Variants in ATXN7L2 observed in about 807,000 individuals in gnomAD.
ATXN7L2 encodes ataxin 7 like 2, also known as ataxin-7-like protein 2.
A neutral mutation model predicts 59.6 loss-of-function variants in ATXN7L2; 17 were observed. The ratio of observed to expected loss-of-function variants is 0.29; its 90% CI spans 0.20 to 0.43. ATXN7L2 has a LOEUF of 0.43. Ranked by LOEUF, ATXN7L2 falls within the 20% of genes least tolerant of loss-of-function variation. The pLI, the probability that ATXN7L2 is intolerant of heterozygous loss-of-function variation, is 1.00. For missense variants in ATXN7L2, 858 were observed against 1,008.9 expected, an observed-to-expected ratio of 0.85 and a Z score of 2.03; for synonymous variants, 378 against 392.5, an observed-to-expected ratio of 0.96 and a Z score of 0.44.
Position 109,491,915 on chromosome 1 carries a change from C to G in ATXN7L2, c.2250+198C>G. ...CAGCTTTTTGCCTGGTGAACCTTCC[C>G]CTATCCCTAACCCTTTCCCTTGGGC... On this transcript the variant is annotated intron_variant, in intron 10 of 10. Coordinates refer to ENST00000683729, the MANE Select transcript of ATXN7L2 (RefSeq NM_001350175.2). This position sits in a 1 kb window ranked among gnomAD's most constrained non-coding sequence, Gnocchi z 4.1. The G allele has an allele frequency of 1.6e-6, 2 of 1,217,500 alleles. No homozygotes were observed. Among genetic ancestry groups the G allele is most frequent in the Non-Finnish European group, 2.2e-6 (2 of 910,066 alleles). 75.4% of individuals were successfully genotyped at this position (1,217,500 alleles called of 1,614,324 possible). A position where few individuals can be genotyped will look rare whatever the true frequency, so the allele number is the denominator to read the frequency against.
intron 1 of ATXN7L2, chr1:109,485,217 T>A (rs1656489395): frequency 4.2e-6 from 4 of 952,428 alleles, no homozygotes; most frequent in Admixed American, 6.3e-5. Context: ...AGAATTGATT[T>A]TTTTTTTCCC....
intron 1 of ATXN7L2, among the ~76,000 whole-genome samples, 171 bp downstream of exon 1, chr1:109,484,251 C>T (rs1465429125): frequency 1.3e-5 from 2 of 152,066 alleles, no homozygotes; most frequent in Non-Finnish European, 2.9e-5. Context: ...CACCTTCGCG[C>T]CTCCGGGTCC....
rs1378177805 is a variant in ATXN7L2 at position 109,490,041 on chromosome 1, C to T, written c.1245C>T (p.Ser415=). Residue 415 remains serine (S), a synonymous_variant, in exon 8 of 11, where the codon AGC becomes AGT. Transcript: ENST00000683729. ...PMPRGGTQAS[S]EESEEEGTSD... is the part of the protein sequence containing the mutation. ...CCCGGGGTGGGACCCAGGCCTCCAG[C>T]GAAGAGAGTGAGGAGGAGGGGACAT... is the stretch of plus-strand genomic sequence containing the variant. 1.5e-5 allele frequency: 24 copies of T among 1,611,414 alleles called. No individual in the cohort carries two copies. The highest frequency in any genetic ancestry group is 8.0e-5 in the African/African-American group (6 of 74,772).
intron 10 of ATXN7L2, among the ~76,000 whole-genome samples, chr1:109,492,318 C>T (rs1419676133): frequency 6.6e-6 from 1 of 152,158 alleles, no homozygotes; most frequent in Non-Finnish European, 1.5e-5. Context: ...TCCATATGAT[C>T]TCTGCCAGGA....
chr1:109,490,223 CTG>C (rs1226754388), intron 8 of ATXN7L2, 46 bp from the exon 9 acceptor site: 4 of 1,603,810 alleles, frequency 2.5e-6, no homozygotes, highest in Non-Finnish European at 2.6e-6. Flanking sequence ...CAGATGCTGT[CTG>C]TGCACCCCAG....
In ATXN7L2 at chr1:109,491,953, G is replaced by A. The variant is rs1657115455; in HGVS notation, c.2250+236G>A. ...CTTTCCCTTGGGCTGAGGAGATGCG[G>A]CACCCCTCCACCCCTGCTTTTGCTA... is the stretch of plus-strand genomic sequence containing the variant. On this transcript the variant is annotated intron_variant, in intron 10 of 10. Coordinates refer to ENST00000683729, the MANE Select transcript of ATXN7L2 (RefSeq NM_001350175.2). This position sits in a 1 kb window ranked among gnomAD's most constrained non-coding sequence, Gnocchi z 4.1. The A allele has an allele frequency of 8.1e-7, 1 of 1,241,736 alleles. No individual in the cohort carries two copies. The highest frequency in any genetic ancestry group is 1.0e-6 in the Non-Finnish European group (1 of 964,014). 76.9% of individuals were successfully genotyped at this position (1,241,736 alleles called of 1,614,324 possible).
chr1:109,487,829 C>T (rs867885012), intron 5 of ATXN7L2, 25 bp downstream of exon 5: 2 of 1,567,472 alleles, frequency 1.3e-6, no homozygotes, highest in Non-Finnish European at 1.7e-6. Context: ...TCTTGGGGGT[C>T]CAGAATGTAG....
rs200569345 is a variant in ATXN7L2, at chr1:109,489,905, C to T, written c.1134-25C>T. On this transcript the variant is annotated intron_variant, in intron 7 of 10. Coordinates refer to ENST00000683729, the MANE Select transcript of ATXN7L2 (RefSeq NM_001350175.2). ...CTGACCCCACAACAGTCACATTCCC[C>T]TGGCATCCCTTTTGGCCCTTCCAGG... 1.6e-4 allele frequency: 260 copies of T among 1,612,188 alleles called. No individual in the cohort carries two copies. The African/African-American group carries it at 3.0e-3, about 19-fold the overall frequency.
intron 7 of ATXN7L2, chr1:109,489,450 G>A (rs546095452): frequency 2.3e-4 from 83 of 356,436 alleles, no homozygotes; most frequent in African/African-American, 1.6e-3. Context: ...GCCCCTTCGC[G>A]TGCAGAGGCT....
chr1:109,487,936 C>T, intron 5 of ATXN7L2, 132 bp downstream of exon 5: 1 of 1,092,552 alleles, frequency 9.2e-7, no homozygotes, highest in Non-Finnish European at 1.3e-6. Context: ...TATAGGAGCC[C>T]CGTCACCTCT....
Position 109,486,072 on chromosome 1 carries a change from A to G in ATXN7L2, c.143A>G (p.Glu48Gly), listed in dbSNP as rs1379942819. ...LPAADGAELE[E>G]SSKNTKKLDA... ...TCTCCTCTAGGGGCTGAGCTGGAGG[A>G]GAGTAGCAAAAACACGAAGAAGTTG... Residue 48 changes from glutamate (E) to glycine (G), a missense_variant, in exon 2 of 11, where the codon GAG (glutamate) becomes GGG (glycine). Coordinates refer to ENST00000683729, the MANE Select transcript of ATXN7L2 (RefSeq NM_001350175.2). The surrounding 1 kb of genome is among the most constrained non-coding windows in gnomAD (Gnocchi z 4.3). The G allele has an allele frequency of 6.3e-7, 1 of 1,597,952 alleles. No homozygotes were observed. Among genetic ancestry groups the G allele is most frequent in the East Asian group, 2.3e-5 (1 of 44,126 alleles).
At chr1:109,484,130 C>T (rs761039483) in intron 1 of ATXN7L2, 50 bp downstream of exon 1, 10 of 1,381,648 alleles carry the variant, frequency 7.2e-6, no homozygotes, top group Non-Finnish European at 9.5e-6. Context: ...ATCTCCCCTC[C>T]CCCCTTCCGG....
At position 109,486,077 on chromosome 1, in the gene ATXN7L2, A is replaced by G. The variant is rs774889041; in HGVS notation, c.148A>G (p.Ser50Gly). ...TCTAGGGGCTGAGCTGGAGGAGAGT[A>G]GCAAAAACACGAAGAAGTTGGATGC... ...AADGAELEESSKNTKKLDAMT... is the reference protein window; with the variant it reads ...AADGAELEESGKNTKKLDAMT... Residue 50 changes from serine to glycine, a missense_variant, in exon 2 of 11, where the codon AGC becomes GGC. This residue lies in a region of ATXN7L2 where 95 missense variants were observed against 82.6 expected (regional missense o/e 1.15). Transcript: ENST00000683729. The surrounding 1 kb of genome is among the most constrained non-coding windows in gnomAD (Gnocchi z 4.3). 6.3e-7 allele frequency: 1 copy of G among 1,599,726 alleles called. No homozygotes were observed. Among genetic ancestry groups the G allele is most frequent in the Admixed American group, 1.8e-5 (1 of 56,744 alleles).
Position 109,487,657 on chromosome 1 carries a change from A to T in ATXN7L2, c.649A>T (p.Met217Leu), listed in dbSNP as rs1280494092. 51 of 1,611,026 alleles carry T rather than the reference A, an allele frequency of 3.2e-5. No individual in the cohort carries two copies. Among genetic ancestry groups the T allele is most frequent in the Non-Finnish European group, 4.3e-5 (51 of 1,178,752 alleles). The change falls in exon 5 of 11, where the codon ATG (methionine) becomes TTG (leucine). Residue 217 changes from methionine (M) to leucine (L), a missense_variant. Physicochemically the swap from Met to Leu is conservative, Grantham distance 15. Around this residue, in one of 3 missense-constraint regions of ATXN7L2, gnomAD observed 734 missense variants for 862.3 expected, o/e 0.85. Transcript: ENST00000683729. Reference protein sequence around the residue: ...LTKDSPGKPPMAPPSKEPPGR... With the variant: ...LTKDSPGKPPLAPPSKEPPGR... Reference sequence around the variant, plus strand: ...CAAGGACTCCCCTGGAAAACCTCCCATGGCTCCCCCTTCTAAAGAACCTCC... The same window carrying T: ...CAAGGACTCCCCTGGAAAACCTCCCTTGGCTCCCCCTTCTAAAGAACCTCC...
chr1:109,487,350 T>C, intron 4 of ATXN7L2, 133 bp downstream of exon 4: 1 of 1,162,606 alleles, frequency 8.6e-7, no homozygotes, highest in Non-Finnish European at 1.2e-6. Flanking sequence ...TGCAGCTTCC[T>C]TCCATATATT....
rs566097859 is a variant in ATXN7L2, at chr1:109,491,964, C to T, written c.2250+247C>T. 98 of 1,262,802 alleles carry T rather than the reference C, an allele frequency of 7.8e-5. No homozygotes were observed. The African/African-American group carries it at 1.3e-3, about 17-fold the overall frequency. The allele number at this position is 1,262,802 out of a possible 1,614,324, so 78.2% of individuals were successfully genotyped here. ...GCTGAGGAGATGCGGCACCCCTCCA[C>T]CCCTGCTTTTGCTATAATCAAAGGG... On this transcript the variant is annotated intron_variant, in intron 10 of 10. Transcript: ENST00000683729. This position sits in a 1 kb window ranked among gnomAD's most constrained non-coding sequence, Gnocchi z 4.1.
In ATXN7L2 at chr1:109,487,165, T is replaced by C; in HGVS notation, c.457T>C (p.Ser153Pro). ...KTSSREKGQGSRSRGHQPPEK... is the reference protein window; with the variant it reads ...KTSSREKGQGPRSRGHQPPEK... ...CTCCTCCAGGGAGAAGGGCCAGGGG[T>C]CCCGGAGCCGTGGCCACCAGCCTCC... The change falls in exon 4 of 11, where the codon TCC becomes CCC. Residue 153 changes from serine to proline, a missense_variant. Physicochemically the swap from Ser to Pro is moderately conservative, Grantham distance 74. Around this residue, in one of 3 missense-constraint regions of ATXN7L2, gnomAD observed 734 missense variants for 862.3 expected, o/e 0.85. Transcript: ENST00000683729. 1 of 1,597,628 alleles carries C rather than the reference T, an allele frequency of 6.3e-7. No homozygotes were observed. Among genetic ancestry groups the C allele is most frequent in the Non-Finnish European group, 8.5e-7 (1 of 1,172,314 alleles).
chr1:109,492,130 T>G, intron 10 of ATXN7L2: 1 of 1,050,884 alleles, frequency 9.5e-7, no homozygotes, highest in African/African-American at 1.7e-5. Context: ...TCACTGGTTT[T>G]TCCTCTGGGC....
In ATXN7L2 at chr1:109,485,377, G is replaced by A; in HGVS notation, c.128-680G>A. 3 of 985,510 alleles carry A rather than the reference G, an allele frequency of 3.0e-6. No homozygotes were observed. The South Asian group carries it at 1.4e-4, about 46-fold the overall frequency. The allele number at this position is 985,510 out of a possible 1,614,324, so 61.0% of individuals were successfully genotyped here. On this transcript the variant is annotated intron_variant, in intron 1 of 10. Transcript: ENST00000683729. ...CCCCTGCCCAAAGGCCCTCTAAGAA[G>A]GGGAGGGACTTGCATAGCTGACCAA...
Sources: gnomAD v4.1 joint callset for allele counts (sites outside exome capture counted in the v4.1 genomes callset) on GRCh38, gnomAD v4.1.1 for gene constraint, gnomAD v4.1.1 regional missense constraint, Gnocchi (gnomAD v3.1) non-coding constraint, MANE v1.5 for transcripts, NCBI Gene and HGNC (gene_info 2026-07-23, HGNC 2026-07-21) for gene names.